Variants in DCHS2 observed in about 807,000 individuals in gnomAD.
DCHS2 encodes dachsous cadherin-related 2, also known as protocadherin-23.
Under a neutral mutation model 182.4 loss-of-function variants are expected in DCHS2, and 142 were observed. That is an observed-to-expected ratio of 0.78 (90% CI 0.68 to 0.89). DCHS2 has a LOEUF of 0.89. DCHS2 is among the 40% of genes least tolerant of loss of function. The pLI is 0.00. For missense variants in DCHS2, 4,319 were observed against 4,198.6 expected (o/e 1.03, Z -0.79); for synonymous variants, 1,740 against 1,663.3 (o/e 1.05, Z -1.12).
At chr4:154,426,786 T>TAAAAATAGAAATAAAAA (rs372748862) in intron 1 of DCHS2, among the ~76,000 whole-genome samples, 1 of 147,924 alleles carries the variant, frequency 6.8e-6, no homozygotes. Context: ...AAAAATAAAC[T>TAAAAATAGAAATAAAAA]TAAAAATAAA....
intron 1 of DCHS2, among the ~76,000 whole-genome samples, chr4:154,456,398 C>T (rs547005770): frequency 1.3e-5 from 2 of 152,308 alleles, no homozygotes; most frequent in Admixed American, 1.3e-4. Context: ...TCCCTGTCCT[C>T]CAGGAATCTG....
intron 1 of DCHS2, among the ~76,000 whole-genome samples, chr4:154,388,546 G>C (rs1393436146): frequency 3.5e-5 from 5 of 143,988 alleles, no homozygotes; most frequent in African/African-American, 1.3e-4. Flanking sequence ...CCAGGCTGCA[G>C]TGCAGTGGTG....
chr4:154,255,439 G>A, intron 16 of DCHS2, 80 bp downstream of exon 16: 1 of 1,493,708 alleles, frequency 6.7e-7, no homozygotes, highest in Non-Finnish European at 8.9e-7. Context: ...TTACGTAACA[G>A]GAAGTTATGA....
intron 14 of DCHS2, among the ~76,000 whole-genome samples, chr4:154,264,081 C>T (rs1733120715): frequency 6.6e-6 from 1 of 152,082 alleles, no homozygotes; most frequent in East Asian, 1.9e-4. Context: ...AGGAATTAAA[C>T]TTAAACTGGC....
chr4:154,426,399 C>A (rs1397513547), intron 1 of DCHS2, among the ~76,000 whole-genome samples: 1 of 152,082 alleles, frequency 6.6e-6, no homozygotes, highest in Non-Finnish European at 1.5e-5. Flanking sequence ...TCTCACTTTG[C>A]AGTCTTTAGA....
intron 1 of DCHS2, among the ~76,000 whole-genome samples, chr4:154,487,565 G>A (rs921281134): frequency 1.3e-5 from 2 of 152,132 alleles, no homozygotes; most frequent in African/African-American, 4.8e-5. Context: ...CTAAAGAAAG[G>A]GATGGAGATT....
chr4:154,242,541 T>G, intron 17 of DCHS2, 101 bp downstream of exon 17: 2 of 1,408,176 alleles, frequency 1.4e-6, no homozygotes, highest in Non-Finnish European at 9.3e-7. Flanking sequence ...GCTTGGTTGT[T>G]GAGGATTAGC....
chr4:154,263,547 T>A (rs1272833386), intron 14 of DCHS2, among the ~76,000 whole-genome samples: 2 of 152,050 alleles, frequency 1.3e-5, no homozygotes, highest in Non-Finnish European at 2.9e-5. Flanking sequence ...ACCTTTTATC[T>A]TACTATTCAT....
intron 13 of DCHS2, 60 bp downstream of exon 13, chr4:154,297,791 T>C: frequency 1.3e-6 from 2 of 1,546,478 alleles, no homozygotes; most frequent in Non-Finnish European, 1.7e-6. Context: ...GTATAATCCG[T>C]ACTCTTAAGC....
chr4:154,311,060 TC>T (rs1189449082), intron 10 of DCHS2, among the ~76,000 whole-genome samples: 1 of 152,152 alleles, frequency 6.6e-6, no homozygotes, highest in African/African-American at 2.4e-5. Flanking sequence ...GAAAAAGTTT[TC>T]CAGAATTCTA....
intron 13 of DCHS2, among the ~76,000 whole-genome samples, chr4:154,279,866 TAATA>T (rs1734045656): frequency 1.3e-5 from 2 of 150,560 alleles, no homozygotes; most frequent in African/African-American, 4.9e-5. Flanking sequence ...AGGAAGGAAA[TAATA>T]AATACTAAAG....
chr4:154,487,269 G>A (rs959850409), intron 1 of DCHS2, among the ~76,000 whole-genome samples: 2 of 152,092 alleles, frequency 1.3e-5, no homozygotes, highest in East Asian at 1.9e-4. Flanking sequence ...TGGCATACCC[G>A]GGCTCCTCTA....
chr4:154,491,260 G>T lies in DCHS2; in HGVS notation c.96C>A (p.Pro32=). Residue 32 remains proline (P), a synonymous_variant, in exon 1 of 20, where the codon CCC becomes CCA. Transcript: ENST00000357232. ...CGCCGCTGCTGCCTGACCGCCCATG[G>T]GGTGTATCTCTCCTCCCGGGGAGCA... The part of the protein sequence containing the change: ...LLLLPGRRDT[P]HGRSGSSGAR... 1.9e-6 allele frequency: 3 copies of T among 1,551,276 alleles called. No homozygotes were observed. Among genetic ancestry groups the T allele is most frequent in the Non-Finnish European group, 1.7e-6 (2 of 1,146,926 alleles).
chr4:154,392,465 A>C (rs1476815091), intron 1 of DCHS2, among the ~76,000 whole-genome samples: 1 of 152,216 alleles, frequency 6.6e-6, no homozygotes, highest in African/African-American at 2.4e-5. Context: ...GTAGGGAGGC[A>C]AAGTGAGTAA....
At chr4:154,311,439 T>G (rs4696205) in intron 10 of DCHS2, among the ~76,000 whole-genome samples, 80,847 of 151,540 alleles carry the variant, frequency 0.53, 22,348 homozygotes, top group Admixed American at 0.63. Context: ...CTTGCTATGT[T>G]GCCCAAGCTG....
intron 1 of DCHS2, among the ~76,000 whole-genome samples, chr4:154,399,096 T>A (rs1329382255): frequency 6.6e-6 from 1 of 152,178 alleles, no homozygotes; most frequent in East Asian, 1.9e-4. Flanking sequence ...CATGAACAAT[T>A]TCATGATATC....
chr4:154,362,771 A>G (rs1181473498), intron 3 of DCHS2, among the ~76,000 whole-genome samples: 2 of 152,158 alleles, frequency 1.3e-5, no homozygotes, highest in African/African-American at 2.4e-5. Context: ...CCATCTCAAC[A>G]TGAAGATGAT....
At chr4:154,485,210 G>A (rs532363490) in intron 1 of DCHS2, among the ~76,000 whole-genome samples, 1 of 152,220 alleles carries the variant, frequency 6.6e-6, no homozygotes, top group East Asian at 1.9e-4. Flanking sequence ...CACTGAGTGT[G>A]GGGTGGCACA....
chr4:154,483,561 C>G (rs887881006), intron 1 of DCHS2, among the ~76,000 whole-genome samples: 1 of 152,176 alleles, frequency 6.6e-6, no homozygotes, highest in South Asian at 2.1e-4. Flanking sequence ...ATTGTCTTCA[C>G]TGCACATGGG....
Sources: gnomAD v4.1 joint callset for allele counts (sites outside exome capture counted in the v4.1 genomes callset) on GRCh38, gnomAD v4.1.1 for gene constraint, MANE v1.5 for transcripts, NCBI Gene and HGNC (gene_info 2026-07-23, HGNC 2026-07-21) for gene names.